CD44: variants seen among roughly 807,000 people sequenced by gnomAD.
CD44 encodes CD44 molecule (IN blood group).
A neutral mutation model predicts 88.8 loss-of-function variants in CD44; 49 were observed. That is an observed-to-expected ratio of 0.55 (90% CI 0.44 to 0.70). CD44 has a LOEUF of 0.70. Among genes scored for constraint, CD44 ranks in the 30% least tolerant of loss-of-function variants. CD44 has a pLI of 0.00. For synonymous variants in CD44, 325 were observed against 312.3 expected (o/e 1.04, Z -0.43); for missense variants, 883 against 913.8 (o/e 0.97, Z 0.43).
In CD44 at chr11:35,221,667, C is replaced by T; in HGVS notation, c.1959C>T (p.Ile653=). Residue 653 remains isoleucine (I), a synonymous_variant, in exon 17 of 18, where the codon ATC becomes ATT. Coordinates refer to ENST00000428726, the MANE Select transcript of CD44 (RefSeq NM_000610.4). ...RTPQIPEWLI[I]LASLLALALI... is the part of the protein sequence containing the mutation. ...TACTCATACCAGAATGGCTGATCATCTTGGCATCCCTCTTGGCCTTGGCTT... is the reference window on the plus strand; with the variant it reads ...TACTCATACCAGAATGGCTGATCATTTTGGCATCCCTCTTGGCCTTGGCTT... 1 of 1,614,010 alleles carries T rather than the reference C, an allele frequency of 6.2e-7. No individual in the cohort carries two copies. The highest frequency in any genetic ancestry group is 1.3e-5 in the African/African-American group (1 of 75,052).
chr11:35,208,906 G>A (rs1231611221), intron 12 of CD44, among the ~76,000 whole-genome samples: 2 of 152,086 alleles, frequency 1.3e-5, no homozygotes, highest in Non-Finnish European at 2.9e-5. Flanking sequence ...ACACATAATG[G>A]GCAGAGTCCT....
intron 15 of CD44, among the ~76,000 whole-genome samples, chr11:35,218,559 C>A (rs1012749610): frequency 9.9e-5 from 15 of 152,118 alleles, no homozygotes; most frequent in Non-Finnish European, 1.8e-4. Context: ...AATCTCTTGA[C>A]CTTGTGATCC....
chr11:35,153,082 G>A (rs552394740), intron 1 of CD44, among the ~76,000 whole-genome samples: 1 of 152,282 alleles, frequency 6.6e-6, no homozygotes, highest in East Asian at 1.9e-4. Flanking sequence ...TTGTTTGATT[G>A]GAAAGATAAG....
chr11:35,186,742 T>G, intron 3 of CD44, 90 bp from the exon 4 acceptor site: 1 of 779,752 alleles, frequency 1.3e-6, no homozygotes, highest in Non-Finnish European at 2.3e-6. Context: ...TAAGTTATAG[T>G]AAAACTCCAT....
Position 35,176,584 on chromosome 11 carries a change from T to C in CD44, c.77T>C (p.Ile26Thr). ...CTATTTCTTCCCATAGATTTGAATA[T>C]AACCTGCCGCTTTGCAGGTGTATTC... is the stretch of plus-strand genomic sequence containing the variant. ...PLSLAQIDLN[I>T]TCRFAGVFHV... The change falls in exon 2 of 18, where the codon ATA (isoleucine) becomes ACA (threonine). Residue 26 changes from isoleucine to threonine, a missense_variant. By Grantham distance (89) the Ile-to-Thr change is moderately conservative. This residue lies in a region of CD44 where 252 missense variants were observed against 322.9 expected (regional missense o/e 0.78). Transcript: ENST00000428726. 1 of 1,607,344 alleles carries C rather than the reference T, an allele frequency of 6.2e-7. No individual in the cohort carries two copies. Among genetic ancestry groups the C allele is most frequent in the Non-Finnish European group, 8.5e-7 (1 of 1,177,922 alleles).
At chr11:35,180,748 C>A (rs571194564) in intron 3 of CD44, among the ~76,000 whole-genome samples, 6 of 152,264 alleles carry the variant, frequency 3.9e-5, no homozygotes, top group African/African-American at 1.4e-4. Flanking sequence ...CAAAAAAAAT[C>A]TCATAATGTT....
chr11:35,150,705 C>A (rs1423789437), intron 1 of CD44, among the ~76,000 whole-genome samples: 1 of 152,166 alleles, frequency 6.6e-6, no homozygotes, highest in Non-Finnish European at 1.5e-5. Flanking sequence ...ATTGCTGATA[C>A]GGTTCAGTCA....
At chr11:35,160,461 T>C (rs1054988706) in intron 1 of CD44, among the ~76,000 whole-genome samples, 4 of 152,316 alleles carry the variant, frequency 2.6e-5, no homozygotes, top group Middle Eastern at 6.8e-3. Context: ...CATTATACCA[T>C]AACCACCTTG....
chr11:35,190,106 C>A, intron 5 of CD44, 41 bp downstream of exon 5: 1 of 1,536,102 alleles, frequency 6.5e-7, no homozygotes, highest in Non-Finnish European at 9.0e-7. Context: ...TAGCAATTCC[C>A]TGGCAAAATG....
At chr11:35,210,442 A>G (rs1948286177) in intron 13 of CD44, 1 of 152,986 alleles carries the variant, frequency 6.5e-6, no homozygotes, top group Non-Finnish European at 1.5e-5. Context: ...GCTGTGTCCC[A>G]GAGATTCTGA....
intron 1 of CD44, among the ~76,000 whole-genome samples, chr11:35,163,070 TTGC>T (rs933558705): frequency 2.6e-5 from 4 of 152,302 alleles, no homozygotes; most frequent in African/African-American, 7.2e-5. Flanking sequence ...TGCTTTGTTG[TTGC>T]AAATAAATAT....
rs576848025 is a variant in CD44 at position 35,185,252 on chromosome 11, C to T, written c.368-1580C>T. 2.6e-5 allele frequency among the ~76,000 whole-genome samples: 4 copies of T among 152,300 alleles called. No homozygotes were observed. In the East Asian group the frequency reaches 5.8e-4, roughly 22 times the overall value. On this transcript the variant is annotated intron_variant, in intron 3 of 17. Coordinates refer to ENST00000428726, the MANE Select transcript of CD44 (RefSeq NM_000610.4). The stretch of plus-strand genomic sequence containing the variant: ...GCCTCGCCAAGGAGGTGATACTTCT[C>T]TTTAAAGAAATCTGAGAAATCTTTT...
chr11:35,199,946 T>TG (rs1947147012), intron 7 of CD44, among the ~76,000 whole-genome samples: 1 of 149,172 alleles, frequency 6.7e-6, no homozygotes, highest in South Asian at 2.1e-4. Flanking sequence ...TTTTTTTTTT[T>TG]TTTTTTTTTT....
At chr11:35,213,022 C>A (rs541911519) in intron 14 of CD44, among the ~76,000 whole-genome samples, 6 of 151,658 alleles carry the variant, frequency 4.0e-5, no homozygotes, top group East Asian at 1.9e-4. Context: ...TGGGGTTTCA[C>A]CATGTTGGCC....
At position 35,176,643 on chromosome 11, in the gene CD44, C is replaced by G. The variant is rs121909545; in HGVS notation, c.136C>G (p.Arg46Gly). ...GAAAAATGGTCGCTACAGCATCTCT[C>G]GGACGGAGGCCGCTGACCTCTGCAA... ...VEKNGRYSIS[R>G]TEAADLCKAF... Residue 46 changes from arginine to glycine, a missense_variant, in exon 2 of 18, where the codon CGG becomes GGG. Arg to Gly is a moderately radical substitution (Grantham distance 125, BLOSUM62 -2). Transcript: ENST00000428726. 3.7e-6 allele frequency: 6 copies of G among 1,614,070 alleles called. No individual in the cohort carries two copies. The highest frequency in any genetic ancestry group is 1.3e-5 in the African/African-American group (1 of 74,924).
At chr11:35,167,359 T>C (rs1276208133) in intron 1 of CD44, among the ~76,000 whole-genome samples, 1 of 152,222 alleles carries the variant, frequency 6.6e-6, no homozygotes, top group Non-Finnish European at 1.5e-5. Context: ...TTTTCTCCTG[T>C]GTCACAAGAG....
At chr11:35,177,397 A>G (rs1407655202) in intron 2 of CD44, among the ~76,000 whole-genome samples, 1 of 152,222 alleles carries the variant, frequency 6.6e-6, no homozygotes, top group African/African-American at 2.4e-5. Context: ...TGAATTTCCA[A>G]TGGCCTTGCG....
chr11:35,204,381 T>G, intron 9 of CD44, 131 bp from the exon 10 acceptor site: 2 of 755,384 alleles, frequency 2.6e-6, no homozygotes, highest in South Asian at 3.5e-5. Flanking sequence ...ATCAGTGGCC[T>G]GTTTCCTTGG....
Position 35,219,311 on chromosome 11 carries a change from C to T in CD44, c.1874-5C>T, listed in dbSNP as rs370478306. On this transcript the variant is annotated splice_region_variant and splice_polypyrimidine_tract_variant and intron_variant, in intron 15 of 17. Transcript: ENST00000428726. ...TTGGTTGAGAGATGTTGTTTTTCCC[C>T]TTAGGACACTCACATGGGAGTCAAG... 3.3e-5 allele frequency: 54 copies of T among 1,612,192 alleles called. No homozygotes were observed. The African/African-American group carries it at 5.5e-4, about 16-fold the overall frequency.
Sources: allele counts gnomAD v4.1 joint callset (sites outside exome capture counted in the v4.1 genomes callset), GRCh38; gene constraint gnomAD v4.1.1; regional missense constraint gnomAD v4.1.1; transcripts MANE v1.5; gene names NCBI Gene and HGNC (gene_info 2026-07-23, HGNC 2026-07-21).